SPOCK3: variants seen among roughly 807,000 people sequenced by gnomAD.
SPOCK3 encodes testican-3.
Under a neutral mutation model 56.6 loss-of-function variants are expected in SPOCK3, and 30 were observed. The ratio of observed to expected loss-of-function variants is 0.53; its 90% CI spans 0.40 to 0.72. The LOEUF is 0.72. Among genes scored for constraint, SPOCK3 ranks in the 30% least tolerant of loss-of-function variants. SPOCK3 has a pLI of 0.00. For synonymous variants in SPOCK3, 196 were observed against 183.3 expected (o/e 1.07, Z -0.56); for missense variants, 527 against 530.0 (o/e 0.99, Z 0.06).
chr4:167,232,769 C>T (rs992212436), intron 2 of SPOCK3, among the ~76,000 whole-genome samples: 4 of 152,124 alleles, frequency 2.6e-5, no homozygotes, highest in African/African-American at 9.7e-5. Context: ...ATGGCTAAAC[C>T]TAATTTTAAA....
chr4:166,992,481 T>G (rs2150113804), intron 4 of SPOCK3, among the ~76,000 whole-genome samples: 1 of 152,274 alleles, frequency 6.6e-6, no homozygotes, highest in Middle Eastern at 3.4e-3. Flanking sequence ...GAATAATCAT[T>G]ATTCTTAATA....
At chr4:167,205,497 A>T (rs191692829) in intron 2 of SPOCK3, among the ~76,000 whole-genome samples, 1,697 of 53,274 alleles carry the variant, frequency 0.032, 36 homozygotes, top group Non-Finnish European at 0.042. Context: ...ATAATATATA[A>T]TATATATTAT....
At chr4:167,153,697 T>C (rs1300138607) in intron 2 of SPOCK3, among the ~76,000 whole-genome samples, 1 of 152,198 alleles carries the variant, frequency 6.6e-6, no homozygotes, top group African/African-American at 2.4e-5. Flanking sequence ...TTTAGCAGTA[T>C]TTTTCCTAGC....
chr4:167,113,141 T>C (rs1230085012), intron 2 of SPOCK3, among the ~76,000 whole-genome samples: 2 of 152,148 alleles, frequency 1.3e-5, no homozygotes, highest in Admixed American at 6.6e-5. Flanking sequence ...TCAAAGTCAA[T>C]GCCAGTGACA....
At chr4:166,853,953 A>C (rs1730397954) in intron 6 of SPOCK3, among the ~76,000 whole-genome samples, 1 of 152,140 alleles carries the variant, frequency 6.6e-6, no homozygotes, top group Admixed American at 6.5e-5. Flanking sequence ...TTAGCCAAAA[A>C]CAAAGCACCA....
intron 4 of SPOCK3, among the ~76,000 whole-genome samples, chr4:166,984,389 A>C (rs2150099260): frequency 6.6e-6 from 1 of 152,252 alleles, no homozygotes; most frequent in South Asian, 2.1e-4. Flanking sequence ...TGATCTCAAC[A>C]AAAGTTGACT....
intron 6 of SPOCK3, among the ~76,000 whole-genome samples, chr4:166,853,590 G>A (rs1730362537): frequency 6.6e-6 from 1 of 152,100 alleles, no homozygotes; most frequent in Non-Finnish European, 1.5e-5. Context: ...CTAAATAACA[G>A]TTGTATGGTG....
chr4:167,035,278 G>C (rs1012475080), intron 3 of SPOCK3, among the ~76,000 whole-genome samples: 24 of 151,982 alleles, frequency 1.6e-4, no homozygotes, highest in Non-Finnish European at 2.8e-4. Flanking sequence ...CGTGAGTTTT[G>C]CTGTATGCCT....
intron 7 of SPOCK3, among the ~76,000 whole-genome samples, chr4:166,769,886 G>T (rs1206971844): frequency 6.6e-6 from 1 of 152,168 alleles, no homozygotes; most frequent in Non-Finnish European, 1.5e-5. Context: ...CCTCAGCAAT[G>T]GCAGGCGCCC....
chr4:166,762,017 A>C (rs922311747), intron 7 of SPOCK3, among the ~76,000 whole-genome samples: 1 of 152,084 alleles, frequency 6.6e-6, no homozygotes, highest in African/African-American at 2.4e-5. Flanking sequence ...GTGAATCACC[A>C]TATTAGAAAA....
At chr4:167,006,794 C>T (rs922072849) in intron 3 of SPOCK3, among the ~76,000 whole-genome samples, 4 of 152,272 alleles carry the variant, frequency 2.6e-5, no homozygotes, top group Admixed American at 2.0e-4. Flanking sequence ...TTTTCCCAGG[C>T]ATATTTCTAG....
At chr4:166,782,923 G>C (rs1291145967) in intron 7 of SPOCK3, among the ~76,000 whole-genome samples, 1 of 152,160 alleles carries the variant, frequency 6.6e-6, no homozygotes. Flanking sequence ...GATGTAGTGA[G>C]AAAATATTTG....
chr4:166,813,907 A>T lies in SPOCK3; in HGVS notation c.590-21618T>A, dbSNP rs553415012. On this transcript the variant is annotated intron_variant, in intron 6 of 10. Coordinates refer to ENST00000357545, the MANE Select transcript of SPOCK3 (RefSeq NM_001040159.2). The stretch of plus-strand genomic sequence containing the variant: ...TAAGGAGGATAAGGCATTGGTTTGC[A>T]AAGAGTCCCTATCAGAGCAACTTGA... Among the ~76,000 whole-genome samples, 367 of 152,230 alleles carry T rather than the reference A, an allele frequency of 2.4e-3. 1 individual carries two copies. The highest frequency in any genetic ancestry group is 4.2e-3 in the Non-Finnish European group (288 of 67,998).
chr4:167,060,419 C>G (rs1283019652), intron 3 of SPOCK3, among the ~76,000 whole-genome samples: 1 of 151,858 alleles, frequency 6.6e-6, no homozygotes, highest in Non-Finnish European at 1.5e-5. Context: ...AGATGATGGA[C>G]ACTATTTAGA....
intron 6 of SPOCK3, among the ~76,000 whole-genome samples, chr4:166,848,127 G>C (rs1748293722): frequency 6.6e-6 from 1 of 152,144 alleles, no homozygotes; most frequent in African/African-American, 2.4e-5. Flanking sequence ...TTTTGAAGCA[G>C]TACATTATAG....
intron 2 of SPOCK3, among the ~76,000 whole-genome samples, chr4:167,141,766 G>T (rs1763552387): frequency 6.6e-6 from 1 of 152,012 alleles, no homozygotes; most frequent in African/African-American, 2.4e-5. Context: ...ACATTCCACT[G>T]AGATAACAGA....
At chr4:166,989,845 A>C (rs1454145112) in intron 4 of SPOCK3, among the ~76,000 whole-genome samples, 2 of 152,276 alleles carry the variant, frequency 1.3e-5, no homozygotes, top group African/African-American at 4.8e-5. Flanking sequence ...TAATAGGCCA[A>C]TGAGGCTATT....
chr4:166,848,961 T>C (rs1328923838), intron 6 of SPOCK3, among the ~76,000 whole-genome samples: 1 of 152,210 alleles, frequency 6.6e-6, no homozygotes, highest in Non-Finnish European at 1.5e-5. Flanking sequence ...ACCATGGGCA[T>C]CATTAGACTT....
chr4:167,164,833 C>G (rs1033025515), intron 2 of SPOCK3, among the ~76,000 whole-genome samples: 11 of 152,238 alleles, frequency 7.2e-5, no homozygotes, highest in Non-Finnish European at 1.5e-4. Flanking sequence ...TGTATCCAGT[C>G]TATCATTGAT....
Sources: gnomAD v4.1 joint callset for allele counts (sites outside exome capture counted in the v4.1 genomes callset) on GRCh38, gnomAD v4.1.1 for gene constraint, MANE v1.5 for transcripts, NCBI Gene and HGNC (gene_info 2026-07-23, HGNC 2026-07-21) for gene names.